Variants in HERC3 observed in about 807,000 individuals in gnomAD.
The protein encoded by HERC3 is HECT and RLD domain containing E3 ubiquitin protein ligase 3, also known as probable E3 ubiquitin-protein ligase HERC3.
Under a neutral mutation model 129.9 loss-of-function variants are expected in HERC3, and 58 were observed. The ratio of observed to expected loss-of-function variants is 0.45; its 90% confidence interval spans 0.36 to 0.56. HERC3 has a LOEUF of 0.56. Among genes scored for constraint, HERC3 ranks in the 20% least tolerant of loss-of-function variants. HERC3 has a pLI of 0.00. For missense variants in HERC3, 835 were observed against 1,244.2 expected, an observed-to-expected ratio of 0.67 and a Z score of 4.95; for synonymous variants, 430 against 451.0, an observed-to-expected ratio of 0.95 and a Z score of 0.59.
chr4:88,576,360 G>A, the HERC3 span, among the ~76,000 whole-genome samples: 3 of 152,152 alleles, frequency 2.0e-5, no homozygotes, highest in Non-Finnish European at 4.4e-5. Flanking sequence ...CCCCAGAAGG[G>A]TCTGCATGAT....
At chr4:88,590,653 C>T (rs967341087), upstream of HERC3, among the ~76,000 whole-genome samples, 1 of 152,232 alleles carries the variant, frequency 6.6e-6, no homozygotes, top group African/African-American at 2.4e-5. Flanking sequence ...TTACAAACCT[C>T]ATATGTGACA....
intron 3 of HERC3, among the ~76,000 whole-genome samples, chr4:88,626,723 A>G (rs754589670): frequency 3.3e-5 from 5 of 152,150 alleles, no homozygotes; most frequent in African/African-American, 9.7e-5. Flanking sequence ...AATTGTTTAT[A>G]ATATTCCCTT....
intron 10 of HERC3, 86 bp downstream of exon 10, chr4:88,658,577 G>A: frequency 3.0e-6 from 2 of 674,140 alleles, no homozygotes; most frequent in South Asian, 1.9e-5. Flanking sequence ...AACATAAAGA[G>A]CAATGTTACT....
In HERC3 at chr4:88,667,873, A is replaced by G. The variant is rs759996993; in HGVS notation, c.1444-19A>G. The G allele has an allele frequency of 2.5e-6, 4 of 1,569,070 alleles. No individual in the cohort carries two copies. The highest frequency in any genetic ancestry group is 3.5e-6 in the Non-Finnish European group (4 of 1,145,238). ...CTCAAGTATGTTTGAATTTCTCATT[A>G]CTCTTTTCCCTCATACAGATTTTGA... On this transcript the variant is annotated intron_variant, in intron 13 of 25. Transcript: ENST00000402738.
At chr4:88,576,338 T>TA in the HERC3 span, among the ~76,000 whole-genome samples, 1 of 152,292 alleles carries the variant, frequency 6.6e-6, no homozygotes. Flanking sequence ...GAATGTCCAA[T>TA]AAAATCAAGG....
chr4:88,632,837 A>C (rs1328390527), intron 3 of HERC3, among the ~76,000 whole-genome samples: 2 of 152,222 alleles, frequency 1.3e-5, no homozygotes, highest in Non-Finnish European at 2.9e-5. Flanking sequence ...TGTAGTGCAA[A>C]ACTGGAAAGT....
chr4:88,584,884 G>C, the HERC3 span, among the ~76,000 whole-genome samples: 2 of 152,150 alleles, frequency 1.3e-5, no homozygotes. Context: ...GAGGGATCTG[G>C]GTGACAACTT....
At chr4:88,610,122 T>C (rs900422726) in intron 3 of HERC3, among the ~76,000 whole-genome samples, 2 of 152,154 alleles carry the variant, frequency 1.3e-5, no homozygotes, top group African/African-American at 4.8e-5. Flanking sequence ...TTATGACCTG[T>C]ATTTTTTGTT....
chr4:88,656,401 G>T lies in HERC3; in HGVS notation c.1069+366G>T. ...GAGGCCTCAGGAATCTTACAGTCAT[G>T]GCAGAAGGCAAAGAAGGAGCAGACA... On this transcript the variant is annotated intron_variant, in intron 9 of 25. Transcript: ENST00000402738. 2.1e-5 allele frequency: 4 copies of T among 190,576 alleles called. No homozygotes were observed. In the South Asian group the frequency reaches 4.8e-4, roughly 23 times the overall value. The allele number at this position is 190,576 out of a possible 1,614,324, so 11.8% of individuals were successfully genotyped here.
chr4:88,563,237 G>A, the HERC3 span, among the ~76,000 whole-genome samples: 1 of 152,018 alleles, frequency 6.6e-6, no homozygotes, highest in African/African-American at 2.4e-5. Flanking sequence ...GTTCTTAAGT[G>A]TCTTATTTTA....
intron 9 of HERC3, 161 bp downstream of exon 9, chr4:88,656,196 C>T (rs892271219): frequency 1.5e-6 from 1 of 671,348 alleles, no homozygotes; most frequent in Non-Finnish European, 2.5e-6. Context: ...ATGCATGAAG[C>T]TGTAGAGTTG....
Position 88,705,335 on chromosome 4 carries a change from A to T in HERC3, c.2944+725A>T, listed in dbSNP as rs550616765. 3.3e-5 allele frequency among the ~76,000 whole-genome samples: 5 copies of T among 152,358 alleles called. No individual in the cohort carries two copies. The South Asian group carries it at 1.0e-3, about 32-fold the overall frequency. ...GGAAGGTGTGATTTATAGCAGCTTT[A>T]TTGGGCTATAATTTATATACCATAC... On this transcript the variant is annotated intron_variant, in intron 25 of 25. Transcript: ENST00000402738.
chr4:88,655,733 G>A, intron 8 of HERC3, 142 bp from the exon 9 acceptor site: 1 of 755,400 alleles, frequency 1.3e-6, no homozygotes, highest in Non-Finnish European at 2.2e-6. Context: ...AGCAGCCGCT[G>A]CAAGAAGAGT....
intron 23 of HERC3, chr4:88,697,343 C>T: frequency 1.2e-6 from 2 of 1,613,972 alleles, no homozygotes; most frequent in Non-Finnish European, 1.7e-6. Flanking sequence ...TCCTCCTCCT[C>T]CTCCCCCTCC....
chr4:88,562,730 T>C, the HERC3 span, among the ~76,000 whole-genome samples: 22 of 152,316 alleles, frequency 1.4e-4, no homozygotes, highest in East Asian at 3.7e-3. Flanking sequence ...GGATATCCAG[T>C]TTTCTCAGCA....
At chr4:88,598,976 T>C (rs1722696598) in intron 2 of HERC3, among the ~76,000 whole-genome samples, 1 of 152,160 alleles carries the variant, frequency 6.6e-6, no homozygotes, top group South Asian at 2.1e-4. Context: ...TGTAGTCCTA[T>C]ATTTTGCAGC....
chr4:88,558,833 T>C, the HERC3 span, among the ~76,000 whole-genome samples: 1 of 150,576 alleles, frequency 6.6e-6, no homozygotes, highest in Non-Finnish European at 1.5e-5. Flanking sequence ...CCAGGCATGA[T>C]GGTGGGCGCC....
intron 4 of HERC3, 91 bp from the exon 5 acceptor site, chr4:88,651,921 A>G: frequency 1.0e-6 from 1 of 960,780 alleles, no homozygotes; most frequent in Non-Finnish European, 1.7e-6. Context: ...GGTGTTATTT[A>G]TTACTGACAT....
the HERC3 span, among the ~76,000 whole-genome samples, chr4:88,568,738 T>C: frequency 6.6e-6 from 1 of 151,712 alleles, no homozygotes; most frequent in Non-Finnish European, 1.5e-5. Flanking sequence ...TGGCCCAGAG[T>C]GTGTCTAGAA....
Sources: allele counts gnomAD v4.1 joint callset (sites outside exome capture counted in the v4.1 genomes callset), GRCh38; gene constraint gnomAD v4.1.1; transcripts MANE v1.5; gene names NCBI Gene and HGNC (gene_info 2026-07-23, HGNC 2026-07-21).